The following RRP36 variants were observed in gnomAD, a reference collection of about 807,000 sequenced individuals.
The protein encoded by RRP36 is ribosomal RNA processing protein 36 homolog.
A neutral mutation model predicts 39.8 loss-of-function variants in RRP36; 44 were observed. The ratio of observed to expected loss-of-function variants is 1.10; its 90% CI spans 0.87 to 1.42. The LOEUF (loss-of-function observed/expected upper bound fraction) is 1.42. Among genes scored for constraint, RRP36 ranks in the 40% most tolerant of loss-of-function variants. The pLI is 0.00. For synonymous variants in RRP36, 124 were observed against 123.1 expected (o/e 1.01, Z -0.05); for missense variants, 316 against 322.4 (o/e 0.98, Z 0.15).
intron 6 of RRP36, among the ~76,000 whole-genome samples, chr6:43,028,748 C>T (rs945392870): frequency 4.0e-5 from 6 of 151,870 alleles, no homozygotes; most frequent in Admixed American, 1.3e-4. Context: ...GTCAGGAGTT[C>T]GAGACCAGCC....
chr6:43,028,618 A>C (rs1303422372), intron 6 of RRP36, among the ~76,000 whole-genome samples: 1 of 150,286 alleles, frequency 6.7e-6, no homozygotes, highest in Non-Finnish European at 1.5e-5. Context: ...ACAGCACTTC[A>C]GCCTGGGTGA....
intron 6 of RRP36, among the ~76,000 whole-genome samples, chr6:43,027,885 C>G (rs1312686275): frequency 6.8e-6 from 1 of 147,776 alleles, no homozygotes; most frequent in African/African-American, 2.6e-5. Context: ...CACACACACA[C>G]AGAGTTTTAT....
intron 6 of RRP36, 104 bp from the exon 7 acceptor site, chr6:43,028,988 G>T: frequency 6.9e-7 from 1 of 1,450,218 alleles, no homozygotes. Context: ...GAGCTTTAAA[G>T]AACTCATGTA....
chr6:43,028,126 G>A (rs369228079), intron 6 of RRP36, among the ~76,000 whole-genome samples: 154 of 152,160 alleles, frequency 1.0e-3, no homozygotes, highest in African/African-American at 3.5e-3. Flanking sequence ...AGGAGTTCGA[G>A]ACCAGCCTGG....
At chr6:43,023,250 T>A (rs1044127568) in intron 1 of RRP36, among the ~76,000 whole-genome samples, 19 of 151,742 alleles carry the variant, frequency 1.3e-4, no homozygotes, top group African/African-American at 4.1e-4. Flanking sequence ...AATAAAAAAA[T>A]TTAGCCAGGG....
intron 6 of RRP36, among the ~76,000 whole-genome samples, chr6:43,027,800 A>ACAT (rs1561864061): frequency 2.1e-4 from 22 of 103,800 alleles, no homozygotes; most frequent in Non-Finnish European, 3.6e-4. Context: ...CACACACACA[A>ACAT]ACACAGAGTC....
rs149276233 is a variant in RRP36, at chr6:43,025,167, C to A, written c.278+35C>A. On this transcript the variant is annotated intron_variant, in intron 2 of 6. Coordinates refer to ENST00000244496, the MANE Select transcript of RRP36 (RefSeq NM_033112.4). ...GCTTGCCCTAGAAGTTGGAAGATAA[C>A]TGGGACCTTGAATAGGTATGTTGTC... 169 of 1,613,458 alleles carry A rather than the reference C, an allele frequency of 1.0e-4. No individual in the cohort carries two copies. In the African/African-American group the frequency reaches 1.6e-3, roughly 16 times the overall value.
At chr6:43,024,121 T>A (rs575750858) in intron 1 of RRP36, among the ~76,000 whole-genome samples, 2 of 152,194 alleles carry the variant, frequency 1.3e-5, no homozygotes, top group Non-Finnish European at 2.9e-5. Flanking sequence ...CCCAAAGTGC[T>A]GGGATTACAG....
In RRP36 at chr6:43,021,650, A is replaced by C. The variant is rs555648003; in HGVS notation, c.-5A>C. On this transcript the variant is annotated 5_prime_UTR_variant, in exon 1 of 7. Transcript: ENST00000244496. ...CATTCGTCTTCCGAGCGCTACTGCC[A>C]GCTGATGCCGGGAGCTAACTACCGC... is the stretch of plus-strand genomic sequence containing the variant. The C allele has an allele frequency of 4.7e-6, 6 of 1,284,110 alleles. No individual in the cohort carries two copies. Among genetic ancestry groups the C allele is most frequent in the Non-Finnish European group, 4.9e-6 (5 of 1,014,422 alleles). 79.5% of individuals were successfully genotyped at this position (1,284,110 alleles called of 1,614,324 possible).
chr6:43,027,541 G>C (rs1233926485), intron 6 of RRP36, 64 bp downstream of exon 6: 8 of 1,315,820 alleles, frequency 6.1e-6, no homozygotes, highest in Non-Finnish European at 8.6e-6. Context: ...GTAGAGTCTT[G>C]TGTTGGGGTG....
In RRP36 at chr6:43,026,022, C is replaced by A. The variant is rs751285398; in HGVS notation, c.346-15C>A. 17 of 1,582,818 alleles carry A rather than the reference C, an allele frequency of 1.1e-5. No homozygotes were observed. The Admixed American group carries it at 2.8e-4, about 26-fold the overall frequency. ...TGAACAGTTGTGTTTTATATTCTCT[C>A]TCTTCTCTCCAAAGGTAGCCCGGGA... On this transcript the variant is annotated splice_polypyrimidine_tract_variant and intron_variant, in intron 3 of 6. Transcript: ENST00000244496.
rs939754513 is a variant in RRP36, at chr6:43,029,314, G to C, written c.*86G>C. The C allele has an allele frequency of 2.6e-6, 4 of 1,516,600 alleles. No homozygotes were observed. The highest frequency in any genetic ancestry group is 1.8e-5 in the Admixed American group (1 of 56,802). 93.9% of individuals were successfully genotyped at this position (1,516,600 alleles called of 1,614,324 possible). ...TTGGCCACGGCTGGTTTCCGTTCAA[G>C]GGCAAGGATCACAGCTGCCCTTGAA... is the stretch of plus-strand genomic sequence containing the variant. On this transcript the variant is annotated 3_prime_UTR_variant, in exon 7 of 7. Transcript: ENST00000244496.
chr6:43,025,207 G>A, intron 2 of RRP36, 56 bp from the exon 3 acceptor site: 1 of 1,612,348 alleles, frequency 6.2e-7, no homozygotes, highest in Non-Finnish European at 8.5e-7. Context: ...GTGACAGGTG[G>A]GAAGCCTTTG....
rs761448251 is a variant in RRP36, at chr6:43,026,269, A to G, written c.450+128A>G. ...GATTTAACTCTCTCCAATTCAGTTC[A>G]TATTCAAATCCTGGCTCATCAGTTT... On this transcript the variant is annotated intron_variant, in intron 4 of 6. Coordinates refer to ENST00000244496, the MANE Select transcript of RRP36 (RefSeq NM_033112.4). 3 of 564,620 alleles carry G rather than the reference A, an allele frequency of 5.3e-6. No homozygotes were observed. The Admixed American group carries it at 8.2e-5, about 15-fold the overall frequency. 35.0% of individuals were successfully genotyped at this position (564,620 alleles called of 1,614,324 possible).
At chr6:43,024,153 C>T (rs527916830) in intron 1 of RRP36, among the ~76,000 whole-genome samples, 3 of 152,120 alleles carry the variant, frequency 2.0e-5, no homozygotes, top group East Asian at 3.9e-4. Context: ...CACACCTGGA[C>T]GAGGGGTCGC....
chr6:43,025,785 T>C (rs1762802872), intron 3 of RRP36, among the ~76,000 whole-genome samples: 1 of 151,320 alleles, frequency 6.6e-6, no homozygotes, highest in Non-Finnish European at 1.5e-5. Context: ...CAAAAAAAAA[T>C]AGCCGGGCGT....
chr6:43,026,523 A>T (rs1024586379), intron 4 of RRP36, among the ~76,000 whole-genome samples: 1 of 151,884 alleles, frequency 6.6e-6, no homozygotes, highest in East Asian at 1.9e-4. Context: ...AAATAGAAAA[A>T]TTAGCCAAGT....
At chr6:43,025,444 G>A in intron 3 of RRP36, 115 bp downstream of exon 3, 1 of 863,918 alleles carries the variant, frequency 1.2e-6, no homozygotes, top group Non-Finnish European at 1.9e-6. Context: ...CCAACATGGT[G>A]AAACCCTGTC....
chr6:43,024,202 G>A (rs1382904708), intron 1 of RRP36, among the ~76,000 whole-genome samples: 1 of 152,110 alleles, frequency 6.6e-6, no homozygotes, highest in Non-Finnish European at 1.5e-5. Context: ...TTGGGAAGGT[G>A]ATTTTGAATA....
Sources: allele counts gnomAD v4.1 joint callset (sites outside exome capture counted in the v4.1 genomes callset), GRCh38; gene constraint gnomAD v4.1.1; transcripts MANE v1.5; gene names NCBI Gene and HGNC (gene_info 2026-07-23, HGNC 2026-07-21).